The following SIPA1L1 variants were observed in gnomAD, a reference collection of about 807,000 sequenced individuals.
SIPA1L1 encodes the protein signal induced proliferation associated 1 like 1.
SIPA1L1 carries 26 observed loss-of-function variants against 162.7 expected under a neutral mutation model. The observed-to-expected ratio is 0.16, with a 90% CI of 0.12 to 0.22. The LOEUF is 0.22. SIPA1L1 is among the 10% of genes least tolerant of loss of function. The pLI, the probability that SIPA1L1 is intolerant of heterozygous loss-of-function variation, is 1.00. For synonymous variants in SIPA1L1, 829 were observed against 837.4 expected (o/e 0.99, Z 0.17); for missense variants, 1,874 against 2,241.0 (o/e 0.84, Z 3.31).
In SIPA1L1 at chr14:71,430,510, A is replaced by G. The variant is rs1000605962; in HGVS notation, c.-464-82233A>G. ...TATTCATCTAACAAATGGGGCTAAT[A>G]AGCCAGGAGCCCAGCAGGGTTTTTG... On this transcript the variant is annotated intron_variant, in intron 2 of 23. Coordinates refer to ENST00000381232, the MANE Select transcript of SIPA1L1 (RefSeq NM_001386936.1). Among the ~76,000 whole-genome samples the G allele has an allele frequency of 1.3e-5, 2 of 152,148 alleles. 1 individual carries two copies. Among genetic ancestry groups the G allele is most frequent in the South Asian group, 4.1e-4 (2 of 4,828 alleles).
intron 2 of SIPA1L1, among the ~76,000 whole-genome samples, chr14:71,457,330 C>T (rs34176710): frequency 0.16 from 24,646 of 149,548 alleles, 2,617 homozygotes; most frequent in Middle Eastern, 0.35. Flanking sequence ...GATGGAGTCT[C>T]GCTCTTTTGC....
At chr14:71,347,172 G>A (rs2036257065) in intron 2 of SIPA1L1, among the ~76,000 whole-genome samples, 1 of 151,776 alleles carries the variant, frequency 6.6e-6, no homozygotes, top group African/African-American at 2.4e-5. Context: ...CGTTGGCCAG[G>A]CTGGTCTTGA....
At chr14:71,485,466 A>C (rs888726992) in intron 2 of SIPA1L1, among the ~76,000 whole-genome samples, 2 of 151,938 alleles carry the variant, frequency 1.3e-5, no homozygotes, top group African/African-American at 4.8e-5. Flanking sequence ...TTCTTATAGG[A>C]GTGCAAACCC....
intron 2 of SIPA1L1, among the ~76,000 whole-genome samples, chr14:71,507,362 T>G (rs2050760471): frequency 6.6e-6 from 1 of 152,146 alleles, no homozygotes; most frequent in Non-Finnish European, 1.5e-5. Flanking sequence ...ATAATTCTGG[T>G]CAATGAAAAA....
At chr14:71,722,859 C>G (rs1332100990) in intron 17 of SIPA1L1, among the ~76,000 whole-genome samples, 2 of 152,176 alleles carry the variant, frequency 1.3e-5, no homozygotes, top group Admixed American at 6.5e-5. Flanking sequence ...CCTCAGCCTC[C>G]CAAGTAGTTG....
intron 2 of SIPA1L1, among the ~76,000 whole-genome samples, chr14:71,446,906 G>GTTTTTTTTTTTTTTTTTTTTTT (rs1189940440): frequency 2.3e-4 from 12 of 53,244 alleles, no homozygotes; most frequent in East Asian, 7.6e-4. Flanking sequence ...TTTTTTTTTT[G>GTTTTTTTTTTTTTTTTTTTTTT]TTTTTTTTTT....
chr14:71,415,304 A>T (rs1403247780), intron 2 of SIPA1L1, among the ~76,000 whole-genome samples: 2 of 152,192 alleles, frequency 1.3e-5, no homozygotes, highest in Non-Finnish European at 2.9e-5. Flanking sequence ...ACATTAGGGC[A>T]CTTTTCTGGG....
At chr14:71,416,429 G>GT (rs1566994312) in intron 2 of SIPA1L1, 1 of 151,462 alleles carries the variant, frequency 6.6e-6, no homozygotes, top group East Asian at 1.9e-4. Flanking sequence ...GAGTTGCTTC[G>GT]TTTGATAACT....
intron 2 of SIPA1L1, among the ~76,000 whole-genome samples, chr14:71,493,474 T>C (rs2049462221): frequency 6.6e-6 from 1 of 152,224 alleles, no homozygotes; most frequent in South Asian, 2.1e-4. Context: ...AATTCAATTA[T>C]TTTTGTGGAT....
intron 7 of SIPA1L1, among the ~76,000 whole-genome samples, chr14:71,643,574 C>T (rs1216225133): frequency 3.3e-5 from 5 of 152,096 alleles, no homozygotes; most frequent in Non-Finnish European, 5.9e-5. Flanking sequence ...AAGAAAGTAT[C>T]GTTTTTGCAG....
At chr14:71,546,374 TTC>T (rs1463018346) in intron 4 of SIPA1L1, among the ~76,000 whole-genome samples, 1 of 66,330 alleles carries the variant, frequency 1.5e-5, no homozygotes, top group Non-Finnish European at 2.6e-5. Flanking sequence ...TTCTTTTTCT[TTC>T]TTTTTTTTTT....
At chr14:71,725,524 T>G (rs2084153025) in intron 19 of SIPA1L1, among the ~76,000 whole-genome samples, 1 of 152,234 alleles carries the variant, frequency 6.6e-6, no homozygotes, top group South Asian at 2.1e-4. Flanking sequence ...CCTGAATACC[T>G]GTCCAGTGTG....
intron 2 of SIPA1L1, among the ~76,000 whole-genome samples, chr14:71,462,517 G>C (rs972704020): frequency 2.6e-5 from 4 of 152,190 alleles, no homozygotes; most frequent in African/African-American, 9.7e-5. Flanking sequence ...AGGTCCACTA[G>C]GCGTTGTGCC....
chr14:71,372,184 C>T lies in SIPA1L1; in HGVS notation c.-465+51003C>T, dbSNP rs186393660. Among the ~76,000 whole-genome samples, 483 of 152,236 alleles carry T rather than the reference C, an allele frequency of 3.2e-3. 1 individual carries two copies. The highest frequency in any genetic ancestry group is 3.4e-3 in the Non-Finnish European group (230 of 68,032). On this transcript the variant is annotated intron_variant, in intron 2 of 23. Coordinates refer to ENST00000381232, the MANE Select transcript of SIPA1L1 (RefSeq NM_001386936.1). ...GAAGAGAATGAGTATGCTGGCTCAC[C>T]TTCCTGTGTAGACTTGTGCACTCAG...
At chr14:71,356,572 A>C (rs1430564698) in intron 2 of SIPA1L1, among the ~76,000 whole-genome samples, 8 of 139,852 alleles carry the variant, frequency 5.7e-5, no homozygotes, top group African/African-American at 1.8e-4. Flanking sequence ...CTCTACAAAA[A>C]AAAAAAAAAA....
intron 2 of SIPA1L1, among the ~76,000 whole-genome samples, chr14:71,474,650 A>T (rs143461491): frequency 6.6e-6 from 1 of 152,220 alleles, no homozygotes; most frequent in Non-Finnish European, 1.5e-5. Flanking sequence ...AGGTGAGGAC[A>T]TCTCTGCTGT....
intron 13 of SIPA1L1, among the ~76,000 whole-genome samples, chr14:71,695,050 G>GCTAT (rs1491229715): frequency 6.6e-6 from 1 of 152,206 alleles, no homozygotes; most frequent in Non-Finnish European, 1.5e-5. Context: ...TCAGCCTCAG[G>GCTAT]CTATCTCTTC....
Position 71,696,508 on chromosome 14 carries a change from A to C in SIPA1L1, c.3375-2473A>C, listed in dbSNP as rs949388389. ...GTTGCTTTTATTAAATTATTCACAAATTTTGGCACTTCATTATTAGTGACC... is the reference window on the plus strand; with the variant it reads ...GTTGCTTTTATTAAATTATTCACAACTTTTGGCACTTCATTATTAGTGACC... On this transcript the variant is annotated intron_variant, in intron 13 of 23. Transcript: ENST00000381232. 2.0e-5 allele frequency among the ~76,000 whole-genome samples: 3 copies of C among 152,182 alleles called. No homozygotes were observed. In the South Asian group the frequency reaches 6.2e-4, roughly 32 times the overall value.
At chr14:71,714,748 A>G (rs2083136920) in intron 17 of SIPA1L1, among the ~76,000 whole-genome samples, 1 of 152,022 alleles carries the variant, frequency 6.6e-6, no homozygotes, top group African/African-American at 2.4e-5. Flanking sequence ...TGCTAAGCTA[A>G]TTTTTAATAT....
Sources: allele counts gnomAD v4.1 joint callset (sites outside exome capture counted in the v4.1 genomes callset), GRCh38; gene constraint gnomAD v4.1.1; transcripts MANE v1.5; gene names NCBI Gene and HGNC (gene_info 2026-07-23, HGNC 2026-07-21).